The following SLC7A5 variants were observed in gnomAD, a reference collection of about 807,000 sequenced individuals.
The protein encoded by SLC7A5 is solute carrier family 7 member 5, also known as large neutral amino acids transporter small subunit 1.
In SLC7A5, 23 loss-of-function variants were observed where a neutral mutation model predicts 50.2. That is an observed-to-expected ratio of 0.46 (90% confidence interval 0.33 to 0.65). The LOEUF (loss-of-function observed/expected upper bound fraction) is 0.65, where lower values mean the gene tolerates loss of function less well. Ranked by LOEUF, SLC7A5 falls within the 30% of genes least tolerant of loss-of-function variation. The pLI is 0.02. For missense variants in SLC7A5, 578 were observed against 684.4 expected (o/e 0.84, Z 1.73); for synonymous variants, 393 against 330.6 (o/e 1.19, Z -2.05).
At chr16:87,863,186 G>A (rs866632610) in intron 1 of SLC7A5, among the ~76,000 whole-genome samples, 64 of 152,312 alleles carry the variant, frequency 4.2e-4, no homozygotes, top group Middle Eastern at 3.4e-3. Flanking sequence ...TCTTCTCCAC[G>A]ATGCAGTGAG....
chr16:87,860,947 C>A lies in SLC7A5; in HGVS notation c.538+7938G>T, dbSNP rs1374048510. ...CGGAGGCACGCACGTGCTGTGGCCA[C>A]CCCGGAGGGTCCGCCTTCCAGAGGG... On this transcript the variant is annotated intron_variant, in intron 1 of 9. Transcript: ENST00000261622. This position sits in a 1 kb window ranked among gnomAD's most constrained non-coding sequence, Gnocchi z 4.8. Among the ~76,000 whole-genome samples, 2 of 152,234 alleles carry A rather than the reference C, an allele frequency of 1.3e-5. No individual in the cohort carries two copies. The highest frequency in any genetic ancestry group is 2.9e-5 in the Non-Finnish European group (2 of 68,028).
At chr16:87,864,195 G>A (rs1409193100) in intron 1 of SLC7A5, among the ~76,000 whole-genome samples, 1 of 151,314 alleles carries the variant, frequency 6.6e-6, no homozygotes, top group African/African-American at 2.4e-5. Context: ...GGGAGGCTGA[G>A]GCAGGACAGT....
rs2055414718 is a variant in SLC7A5, at chr16:87,862,731, C to T, written c.538+6154G>A. Among the ~76,000 whole-genome samples the T allele has an allele frequency of 1.3e-5, 2 of 152,250 alleles. No homozygotes were observed. The highest frequency in any genetic ancestry group is 4.1e-4 in the South Asian group (2 of 4,832). The stretch of plus-strand genomic sequence containing the variant: ...AGGCCTGGGATTCCCAGACACCTGG[C>T]GCTGGGGCCAATCCCATTCCACAGT... On this transcript the variant is annotated intron_variant, in intron 1 of 9. Transcript: ENST00000261622. The surrounding 1 kb of genome is among the most constrained non-coding windows in gnomAD (Gnocchi z 5.3).
intron 1 of SLC7A5, among the ~76,000 whole-genome samples, chr16:87,864,209 T>G (rs2055433882): frequency 6.6e-6 from 1 of 151,120 alleles, no homozygotes; most frequent in Admixed American, 6.6e-5. Context: ...GGACAGTCGC[T>G]TGAACCCAGG....
At position 87,833,725 on chromosome 16, in the gene SLC7A5, C is replaced by G. The variant is rs1157818158; in HGVS notation, c.1468+689G>C. Among the ~76,000 whole-genome samples the G allele has an allele frequency of 1.3e-5, 2 of 152,160 alleles. No individual in the cohort carries two copies. The highest frequency in any genetic ancestry group is 2.9e-5 in the Non-Finnish European group (2 of 68,032). The stretch of plus-strand genomic sequence containing the variant: ...ACATGGGGATCAGCATGTAGGCCCG[C>G]AAGCACCCCGGCCTTTTTCTACGAG... On this transcript the variant is annotated intron_variant, in intron 9 of 9. Coordinates refer to ENST00000261622, the MANE Select transcript of SLC7A5 (RefSeq NM_003486.7). The surrounding 1 kb of genome is among the most constrained non-coding windows in gnomAD (Gnocchi z 6.0).
In SLC7A5 at chr16:87,834,420, C is replaced by A. The variant is rs1452964665; in HGVS notation, c.1462G>T (p.Gly488Cys). The A allele has an allele frequency of 6.4e-7, 1 of 1,553,692 alleles. No individual in the cohort carries two copies. Among genetic ancestry groups the A allele is most frequent in the East Asian group, 2.4e-5 (1 of 41,324 alleles). The change falls in exon 9 of 10, where the codon GGC (glycine) becomes TGC (cysteine). Residue 488 changes from glycine to cysteine, a missense_variant. Gly to Cys is a radical substitution (Grantham distance 159). This residue lies in a region of SLC7A5 where 465 missense variants were observed against 594.6 expected (regional missense o/e 0.78). Coordinates refer to ENST00000261622, the MANE Select transcript of SLC7A5 (RefSeq NM_003486.7). ...WKNKPKWLLQ[G>C]IFSTTVLCQK... ...GGGCCAGCGAGATACTCACAGATGC[C>A]CTGGAGGAGCCACTTGGGCTTGTTT...
At chr16:87,837,665 G>C (rs1455963002) in intron 7 of SLC7A5, 180 bp downstream of exon 7, 1 of 591,220 alleles carries the variant, frequency 1.7e-6, no homozygotes, top group African/African-American at 1.9e-5. Context: ...ATTATTTTTG[G>C]AATAAAATCT....
At chr16:87,837,176 A>C (rs2143718667) in intron 7 of SLC7A5, among the ~76,000 whole-genome samples, 1 of 152,366 alleles carries the variant, frequency 6.6e-6, no homozygotes, top group South Asian at 2.1e-4. Context: ...GCCAGCCCAC[A>C]GCTGCCAGAC....
rs536954500 is a variant in SLC7A5, at chr16:87,860,234, A to T, written c.539-8385T>A. On this transcript the variant is annotated intron_variant, in intron 1 of 9. Coordinates refer to ENST00000261622, the MANE Select transcript of SLC7A5 (RefSeq NM_003486.7). The surrounding 1 kb of genome is among the most constrained non-coding windows in gnomAD (Gnocchi z 4.8). Reference sequence around the variant, plus strand: ...TGTAGTCCCAGCTACTCGGGAAGCTAAGGCAGGAGAATCACTTGAACCCAG... The same window carrying T: ...TGTAGTCCCAGCTACTCGGGAAGCTTAGGCAGGAGAATCACTTGAACCCAG... 6.6e-6 allele frequency among the ~76,000 whole-genome samples: 1 copy of T among 151,260 alleles called. No homozygotes were observed. The highest frequency in any genetic ancestry group is 2.0e-4 in the East Asian group (1 of 5,094).
chr16:87,842,820 G>C (rs1229273887), intron 2 of SLC7A5, among the ~76,000 whole-genome samples: 1 of 152,080 alleles, frequency 6.6e-6, no homozygotes, highest in African/African-American at 2.4e-5. Flanking sequence ...GGCCTGGAGC[G>C]GGGGCAGCTC....
rs191177235 is a variant in SLC7A5, at chr16:87,860,796, C to T, written c.538+8089G>A. 4.2e-4 allele frequency among the ~76,000 whole-genome samples: 64 copies of T among 152,240 alleles called. No homozygotes were observed. Among genetic ancestry groups the T allele is most frequent in the Middle Eastern group, 3.4e-3 (1 of 294 alleles). ...CGCTCCAAGGCCCAGAATAGGAGGT[C>T]GGTGCTCATTCCTCACGTAGTGGGC... On this transcript the variant is annotated intron_variant, in intron 1 of 9. Transcript: ENST00000261622. The surrounding 1 kb of genome is among the most constrained non-coding windows in gnomAD (Gnocchi z 4.8).
At position 87,837,901 on chromosome 16, in the gene SLC7A5, T is replaced by C; in HGVS notation, c.1084A>G (p.Ile362Val). Residue 362 changes from isoleucine (I) to valine (V), a missense_variant, in exon 7 of 10, where the codon ATC (isoleucine) becomes GTC (valine). Around this residue, in one of 2 missense-constraint regions of SLC7A5, gnomAD observed 465 missense variants for 594.6 expected, o/e 0.78. Transcript: ENST00000261622. ...AGCTGTGGGTGGATCATGGAGAGGA[T>C]GGAGGGCAGGTGGCCTTCCCGGGAC... Reference protein sequence around the residue: ...VGSREGHLPSILSMIHPQLLT... With the variant: ...VGSREGHLPSVLSMIHPQLLT... The C allele has an allele frequency of 6.2e-7, 1 of 1,608,596 alleles. No individual in the cohort carries two copies. The highest frequency in any genetic ancestry group is 8.5e-7 in the Non-Finnish European group (1 of 1,178,476).
At chr16:87,836,368 C>A in intron 8 of SLC7A5, 130 bp downstream of exon 8, 1 of 1,038,974 alleles carries the variant, frequency 9.6e-7, no homozygotes. Flanking sequence ...ATTAGTCGAC[C>A]CAGGTGCATG....
intron 9 of SLC7A5, 82 bp downstream of exon 9, chr16:87,834,332 G>T (rs1243654978): frequency 1.4e-6 from 2 of 1,401,528 alleles, no homozygotes; most frequent in Non-Finnish European, 2.0e-6. Context: ...CCCCATGTGG[G>T]TGGAGACGGC....
rs559523941 is a variant in SLC7A5 at position 87,855,481 on chromosome 16, C to T, written c.539-3632G>A. 5.3e-5 allele frequency among the ~76,000 whole-genome samples: 8 copies of T among 152,234 alleles called. No homozygotes were observed. In the South Asian group the frequency reaches 1.5e-3, roughly 28 times the overall value. Reference sequence around the variant, plus strand: ...TGCACACACACGCACAGCACCCCCACAACTTGTAAACCAGGAGGCTGCCTT... The same window carrying T: ...TGCACACACACGCACAGCACCCCCATAACTTGTAAACCAGGAGGCTGCCTT... On this transcript the variant is annotated intron_variant, in intron 1 of 9. Coordinates refer to ENST00000261622, the MANE Select transcript of SLC7A5 (RefSeq NM_003486.7).
rs1018567713 is a variant in SLC7A5 at position 87,852,709 on chromosome 16, T to C, written c.539-860A>G. Among the ~76,000 whole-genome samples the C allele has an allele frequency of 4.7e-5, 7 of 147,694 alleles. No individual in the cohort carries two copies. Among genetic ancestry groups the C allele is most frequent in the Admixed American group, 2.0e-4 (3 of 14,736 alleles). Reference sequence around the variant, plus strand: ...GTGTTGGGGGTTCTGTTGCAATATATAGGCACGCTGAGCCACTGTGTGTGT... The same window carrying C: ...GTGTTGGGGGTTCTGTTGCAATATACAGGCACGCTGAGCCACTGTGTGTGT... On this transcript the variant is annotated intron_variant, in intron 1 of 9. Coordinates refer to ENST00000261622, the MANE Select transcript of SLC7A5 (RefSeq NM_003486.7). This position sits in a 1 kb window ranked among gnomAD's most constrained non-coding sequence, Gnocchi z 4.5.
In SLC7A5 at chr16:87,860,339, A is replaced by ATACACAC. The variant is rs377188472; in HGVS notation, c.539-8491_539-8490insGTGTGTA. On this transcript the variant is annotated intron_variant, in intron 1 of 9. Coordinates refer to ENST00000261622, the MANE Select transcript of SLC7A5 (RefSeq NM_003486.7). The surrounding 1 kb of genome is among the most constrained non-coding windows in gnomAD (Gnocchi z 4.8). ...CAAAAGCATCTCAAAAAAAAAAAAA[A>ATACACAC]ATACACACACACACACACACACACA... is the stretch of plus-strand genomic sequence containing the variant. 9.2e-6 allele frequency among the ~76,000 whole-genome samples: 1 copy of ATACACAC among 108,212 alleles called. No individual in the cohort carries two copies. The highest frequency in any genetic ancestry group is 3.9e-5 in the African/African-American group (1 of 25,664). 71.0% of individuals were successfully genotyped at this position (108,212 alleles called of 152,430 possible). A position where few individuals can be genotyped will look rare whatever the true frequency, so the allele number is the denominator to read the frequency against.
At chr16:87,834,821 T>C (rs1177635620) in intron 8 of SLC7A5, among the ~76,000 whole-genome samples, 1 of 152,118 alleles carries the variant, frequency 6.6e-6, no homozygotes, top group Non-Finnish European at 1.5e-5. Context: ...TGATGAGGGA[T>C]GGAAGGAGAC....
intron 1 of SLC7A5, among the ~76,000 whole-genome samples, chr16:87,863,416 C>T (rs1045286234): frequency 6.6e-6 from 1 of 152,182 alleles, no homozygotes; most frequent in African/African-American, 2.4e-5. Flanking sequence ...AATCCAGGCC[C>T]AGCCAGAATC....
Sources: gnomAD v4.1 joint callset for allele counts (sites outside exome capture counted in the v4.1 genomes callset) on GRCh38, gnomAD v4.1.1 for gene constraint, gnomAD v4.1.1 regional missense constraint, Gnocchi (gnomAD v3.1) non-coding constraint, MANE v1.5 for transcripts, NCBI Gene and HGNC (gene_info 2026-07-23, HGNC 2026-07-21) for gene names.